Variants in MTCH1 observed in about 807,000 individuals in gnomAD.
The protein encoded by MTCH1 is mitochondrial carrier 1.
A neutral mutation model predicts 49.3 loss-of-function variants in MTCH1; 23 were observed. The ratio of observed to expected loss-of-function variants is 0.47; its 90% CI spans 0.34 to 0.66. The LOEUF (loss-of-function observed/expected upper bound fraction) is 0.66. MTCH1 is among the 30% of genes least tolerant of loss of function. MTCH1 has a pLI of 0.01. For missense variants in MTCH1, 397 were observed against 532.1 expected (o/e 0.75, Z 2.50); for synonymous variants, 229 against 215.2 (o/e 1.06, Z -0.56).
upstream of MTCH1, chr6:36,986,358 G>A: frequency 2.1e-6 from 1 of 477,412 alleles, no homozygotes. Flanking sequence ...ACTGGGCTGC[G>A]GGCCGGGGGT....
intron 2 of MTCH1, among the ~76,000 whole-genome samples, chr6:36,980,633 A>G (rs2150751881): frequency 6.6e-6 from 1 of 152,384 alleles, no homozygotes; most frequent in East Asian, 1.9e-4. Context: ...TGAAATGGAA[A>G]AGGTAAGACA....
intron 1 of MTCH1, among the ~76,000 whole-genome samples, chr6:36,983,098 G>A (rs1422664036): frequency 1.3e-5 from 2 of 152,200 alleles, no homozygotes; most frequent in African/African-American, 4.8e-5. Flanking sequence ...ATCTCCTATG[G>A]ATCTGATTCT....
intron 1 of MTCH1, 146 bp downstream of exon 1, chr6:36,985,707 T>TCCCCCCCCCCCCG: frequency 3.0e-6 from 1 of 330,060 alleles, no homozygotes; most frequent in Non-Finnish European, 6.1e-6. Context: ...TTCCCTCCCA[T>TCCCCCCCCCCCCG]CCCACCCACT....
At chr6:36,984,645 C>A (rs1583270452) in intron 1 of MTCH1, among the ~76,000 whole-genome samples, 1 of 151,992 alleles carries the variant, frequency 6.6e-6, no homozygotes, top group Non-Finnish European at 1.5e-5. Flanking sequence ...CCTAATGACC[C>A]CCATCAAAAC....
intron 7 of MTCH1, among the ~76,000 whole-genome samples, chr6:36,974,056 GA>G (rs1267158309): frequency 6.6e-6 from 1 of 152,218 alleles, no homozygotes; most frequent in Non-Finnish European, 1.5e-5. Flanking sequence ...CATACATGCT[GA>G]TAGGTATGTC....
At position 36,978,619 on chromosome 6, in the gene MTCH1, A is replaced by G. The variant is rs761966332; in HGVS notation, c.407-8T>C. On this transcript the variant is annotated splice_polypyrimidine_tract_variant and splice_region_variant and intron_variant, in intron 2 of 11. Transcript: ENST00000373627. The stretch of plus-strand genomic sequence containing the variant: ...CTTGCACGATGTACTTGGCTGTAAG[A>G]AAACAGAGGTGGCAGAGGAGTCACA... 7.4e-5 allele frequency: 119 copies of G among 1,613,314 alleles called. 1 individual carries two copies. In the South Asian group the frequency reaches 1.1e-3, roughly 15 times the overall value.
chr6:36,981,778 A>C, intron 1 of MTCH1, 106 bp from the exon 2 acceptor site: 1 of 897,760 alleles, frequency 1.1e-6, no homozygotes, highest in Admixed American at 3.0e-5. Flanking sequence ...TTCTCCCACA[A>C]ATTCTAATGT....
At position 36,986,076 on chromosome 6, in the gene MTCH1, G is replaced by T; in HGVS notation, c.98C>A (p.Ala33Glu). The change falls in exon 1 of 12, where the codon GCG becomes GAG. Residue 33 changes from alanine (A) to glutamate (E), a missense_variant. By Grantham distance (107) the Ala-to-Glu change is moderately radical (BLOSUM62 -1). Coordinates refer to ENST00000373627, the MANE Select transcript of MTCH1 (RefSeq NM_001271641.2). ...GCGAGCTCGAGCCTCGACCCCCGCC[G>T]CCGCTCCGCCGCGAGCTCCGGCTCC... Reference protein sequence around the residue: ...GAGAGARGGAAAGVEARARDP... With the variant: ...GAGAGARGGAEAGVEARARDP... 1.4e-6 allele frequency: 2 copies of T among 1,430,204 alleles called. No individual in the cohort carries two copies. The highest frequency in any genetic ancestry group is 1.8e-6 in the Non-Finnish European group (2 of 1,103,286). 88.6% of individuals were successfully genotyped at this position (1,430,204 alleles called of 1,614,324 possible).
chr6:36,981,540 G>T, intron 2 of MTCH1, 48 bp downstream of exon 2: 1 of 1,580,128 alleles, frequency 6.3e-7, no homozygotes, highest in Non-Finnish European at 8.7e-7. Flanking sequence ...CCCACCTGAG[G>T]CCTCTTTTCT....
chr6:36,969,502 C>T (rs1763594755), intron 11 of MTCH1: 8 of 1,085,192 alleles, frequency 7.4e-6, no homozygotes, highest in Non-Finnish European at 9.0e-6. Context: ...AGAGCTCCAG[C>T]TACGGAGAGG....
In MTCH1 at chr6:36,977,998, A is replaced by G; in HGVS notation, c.591+80T>C. On this transcript the variant is annotated intron_variant, in intron 4 of 11. Coordinates refer to ENST00000373627, the MANE Select transcript of MTCH1 (RefSeq NM_001271641.2). This position sits in a 1 kb window ranked among gnomAD's most constrained non-coding sequence, Gnocchi z 5.4. ...CAAGGACCCAACTCTTCGACTTGTC[A>G]ATGACCCGCCCAACTTGGGGGTGAG... The G allele has an allele frequency of 7.7e-7, 1 of 1,304,448 alleles. No individual in the cohort carries two copies. Among genetic ancestry groups the G allele is most frequent in the South Asian group, 1.2e-5 (1 of 83,922 alleles). The allele number at this position is 1,304,448 out of a possible 1,614,324, so 80.8% of individuals were successfully genotyped here.
upstream of MTCH1, chr6:36,986,342 C>T (rs975443631): frequency 7.4e-5 from 42 of 566,932 alleles, no homozygotes; most frequent in African/African-American, 7.4e-4. Context: ...GGAGGCCTAG[C>T]AGGACACTGG....
At chr6:36,971,985 G>A (rs1763702634) in intron 8 of MTCH1, among the ~76,000 whole-genome samples, 1 of 152,146 alleles carries the variant, frequency 6.6e-6, no homozygotes, top group African/African-American at 2.4e-5. Flanking sequence ...TGCCTGACCC[G>A]ACCTGCTGAA....
intron 8 of MTCH1, among the ~76,000 whole-genome samples, chr6:36,971,372 G>T (rs917461487): frequency 1.3e-5 from 2 of 152,174 alleles, no homozygotes; most frequent in Non-Finnish European, 2.9e-5. Context: ...GACTGCTGTT[G>T]TTGCTGATGT....
Position 36,977,969 on chromosome 6 carries a change from T to C in MTCH1, c.591+109A>G. On this transcript the variant is annotated intron_variant, in intron 4 of 11. Transcript: ENST00000373627. The surrounding 1 kb of genome is among the most constrained non-coding windows in gnomAD (Gnocchi z 5.4). The stretch of plus-strand genomic sequence containing the variant: ...CTTCCCTTACCATCCCACCCATGCA[T>C]ACACAAGGACCCAACTCTTCGACTT... The C allele has an allele frequency of 9.8e-7, 1 of 1,025,102 alleles. No homozygotes were observed. Among genetic ancestry groups the C allele is most frequent in the Non-Finnish European group, 1.5e-6 (1 of 655,166 alleles). The allele number at this position is 1,025,102 out of a possible 1,614,324, so 63.5% of individuals were successfully genotyped here.
chr6:36,971,833 C>T (rs1763697752), intron 8 of MTCH1, among the ~76,000 whole-genome samples: 1 of 152,172 alleles, frequency 6.6e-6, no homozygotes, highest in African/African-American at 2.4e-5. Flanking sequence ...GTGATCCCCA[C>T]TGTGAGAATG....
intron 6 of MTCH1, chr6:36,976,448 A>G (rs999797411): frequency 2.2e-6 from 1 of 453,780 alleles, no homozygotes; most frequent in Non-Finnish European, 4.7e-6. Flanking sequence ...CGGCCCCACC[A>G]CTCAGAACAG....
rs894292813 is a variant in MTCH1, at chr6:36,972,302, A to G, written c.906+350T>C. ...CGTTCACAAAAGGGTTTTAAAAAGC[A>G]AAAGACGTGACACAAAGGTCAAGAG... On this transcript the variant is annotated intron_variant, in intron 8 of 11. Transcript: ENST00000373627. This position sits in a 1 kb window ranked among gnomAD's most constrained non-coding sequence, Gnocchi z 4.1. 2.6e-5 allele frequency among the ~76,000 whole-genome samples: 4 copies of G among 152,212 alleles called. No homozygotes were observed. The highest frequency in any genetic ancestry group is 1.3e-4 in the Admixed American group (2 of 15,284).
At position 36,977,088 on chromosome 6, in the gene MTCH1, C is replaced by T; in HGVS notation, c.701+111G>A. 1.8e-6 allele frequency: 2 copies of T among 1,142,006 alleles called. No individual in the cohort carries two copies. Among genetic ancestry groups the T allele is most frequent in the Non-Finnish European group, 2.6e-6 (2 of 761,406 alleles). The allele number at this position is 1,142,006 out of a possible 1,614,324, so 70.7% of individuals were successfully genotyped here. A position where few individuals can be genotyped will look rare whatever the true frequency, so the allele number is the denominator to read the frequency against. The stretch of plus-strand genomic sequence containing the variant: ...CTCAGAAGCCAGGCAGCAGGCTGAA[C>T]TCACACAGCACTAGGGCAGAAAAGG... On this transcript the variant is annotated intron_variant, in intron 6 of 11. Coordinates refer to ENST00000373627, the MANE Select transcript of MTCH1 (RefSeq NM_001271641.2). The surrounding 1 kb of genome is among the most constrained non-coding windows in gnomAD (Gnocchi z 5.4).
Sources: allele counts gnomAD v4.1 joint callset (sites outside exome capture counted in the v4.1 genomes callset), GRCh38; gene constraint gnomAD v4.1.1; non-coding constraint Gnocchi (gnomAD v3.1); transcripts MANE v1.5; gene names NCBI Gene and HGNC (gene_info 2026-07-23, HGNC 2026-07-21).